The following NIPBL variants were observed in gnomAD, a reference collection of about 807,000 sequenced individuals.
NIPBL encodes nipped-B-like protein.
A neutral mutation model predicts 321.8 loss-of-function variants in NIPBL; 19 were observed. That is an observed-to-expected ratio of 0.06 (90% CI 0.04 to 0.09). NIPBL has a LOEUF of 0.09. Among genes scored for constraint, NIPBL ranks in the 10% least tolerant of loss-of-function variants. The pLI is 1.00. For synonymous variants in NIPBL, 1,106 were observed against 1,114.1 expected, an observed-to-expected ratio of 0.99 and a Z score of 0.14; for missense variants, 2,210 against 3,327.0, an observed-to-expected ratio of 0.66 and a Z score of 8.26.
chr5:36,917,418 T>G (rs1452187294), intron 1 of NIPBL, among the ~76,000 whole-genome samples: 2 of 152,124 alleles, frequency 1.3e-5, no homozygotes, highest in Non-Finnish European at 2.9e-5. Flanking sequence ...ATTGCAAAAA[T>G]TTTCTCCCAT....
At chr5:37,010,050 C>G (rs1483432302) in intron 20 of NIPBL, 37 bp from the exon 21 acceptor site, 3 of 1,498,468 alleles carry the variant, frequency 2.0e-6, no homozygotes, top group Middle Eastern at 1.9e-4. Context: ...ATGAGATTAT[C>G]TTGATACTCC....
intron 38 of NIPBL, among the ~76,000 whole-genome samples, chr5:37,047,668 T>G (rs1002583590): frequency 4.6e-5 from 7 of 152,180 alleles, no homozygotes; most frequent in Non-Finnish European, 2.9e-5. Flanking sequence ...ATTCAGAAAA[T>G]ATTGCCTCTA....
At chr5:36,974,247 CAAAT>C (rs1333479132) in intron 8 of NIPBL, among the ~76,000 whole-genome samples, 1 of 152,078 alleles carries the variant, frequency 6.6e-6, no homozygotes, top group Admixed American at 6.5e-5. Context: ...AACTTTAAAA[CAAAT>C]AACCTCACTA....
chr5:36,888,691 A>G (rs1746098060), intron 1 of NIPBL, among the ~76,000 whole-genome samples: 1 of 152,092 alleles, frequency 6.6e-6, no homozygotes, highest in Non-Finnish European at 1.5e-5. Context: ...TTGGAAATTA[A>G]TGTTCATGGT....
rs904750595 is a variant in NIPBL at position 36,981,745 on chromosome 5, A to G, written c.1496-2931A>G. On this transcript the variant is annotated intron_variant, in intron 9 of 46. Coordinates refer to ENST00000282516, the MANE Select transcript of NIPBL (RefSeq NM_133433.4). ...CATCTTTTCCCAAGGTCCACTTTCCATGTTAGCAAGTATAAGGAATGGCTC... is the reference window on the plus strand; with the variant it reads ...CATCTTTTCCCAAGGTCCACTTTCCGTGTTAGCAAGTATAAGGAATGGCTC... 5.3e-5 allele frequency among the ~76,000 whole-genome samples: 8 copies of G among 151,632 alleles called. 1 individual carries two copies. Among genetic ancestry groups the G allele is most frequent in the South Asian group, 2.1e-4 (1 of 4,828 alleles).
chr5:37,034,714 G>C (rs1421963406), intron 32 of NIPBL, among the ~76,000 whole-genome samples: 1 of 152,146 alleles, frequency 6.6e-6, no homozygotes, highest in Non-Finnish European at 1.5e-5. Context: ...CAAGGAGATG[G>C]TAAATTTCTG....
chr5:37,052,615 T>G, intron 42 of NIPBL, 49 bp downstream of exon 42: 1 of 1,440,468 alleles, frequency 6.9e-7, no homozygotes, highest in South Asian at 1.2e-5. Context: ...TCTAGAAATT[T>G]TATGGATAAA....
intron 38 of NIPBL, 108 bp downstream of exon 38, chr5:37,046,307 A>G: frequency 1.4e-6 from 1 of 720,492 alleles, no homozygotes; most frequent in Non-Finnish European, 2.5e-6. Context: ...TTCTATTAGC[A>G]GTAGGATTTG....
chr5:36,976,238 C>G lies in NIPBL; in HGVS notation c.1331C>G (p.Ala444Gly), dbSNP rs1475720803. 1 of 1,613,782 alleles carries G rather than the reference C, an allele frequency of 6.2e-7. No homozygotes were observed. Among genetic ancestry groups the G allele is most frequent in the Admixed American group, 1.7e-5 (1 of 59,972 alleles). The part of the protein sequence containing the change: ...VPVLQQNTSV[A>G]AKQPQTSVVQ... ...GTTTTACAACAGAACACTTCAGTTG[C>G]TGCAAAACAACCCCAGACTTCTGTG... Residue 444 changes from alanine (A) to glycine (G), a missense_variant, in exon 9 of 47, where the codon GCT becomes GGT. Around this residue, in one of 14 missense-constraint regions of NIPBL, gnomAD observed 464 missense variants for 529.5 expected, o/e 0.88. Coordinates refer to ENST00000282516, the MANE Select transcript of NIPBL (RefSeq NM_133433.4).
Position 36,976,265 on chromosome 5 carries a change from T to C in NIPBL, c.1358T>C (p.Val453Ala). ...GCAAAACAACCCCAGACTTCTGTGG[T>C]ACAGAATCAACAACAGATATCACAA... ...VAAKQPQTSV[V>A]QNQQQISQQG... The change falls in exon 9 of 47, where the codon GTA becomes GCA. Residue 453 changes from valine to alanine, a missense_variant. This residue lies in a region of NIPBL where 464 missense variants were observed against 529.5 expected (regional missense o/e 0.88). Coordinates refer to ENST00000282516, the MANE Select transcript of NIPBL (RefSeq NM_133433.4). 1 of 1,613,846 alleles carries C rather than the reference T, an allele frequency of 6.2e-7. No homozygotes were observed. Among genetic ancestry groups the C allele is most frequent in the Non-Finnish European group, 8.5e-7 (1 of 1,179,860 alleles).
Position 36,985,608 on chromosome 5 carries a change from G to C in NIPBL, c.2428G>C (p.Val810Leu). 1 of 1,613,938 alleles carries C rather than the reference G, an allele frequency of 6.2e-7. No homozygotes were observed. The highest frequency in any genetic ancestry group is 1.1e-5 in the South Asian group (1 of 91,078). ...AAAGCAGAGACCTGATGGGCGATCT[G>C]TTTCTGAGTCACTAAGACGTGACCA... ...ALKQRPDGRS[V>L]SESLRRDHDN... The change falls in exon 10 of 47, where the codon GTT becomes CTT. Residue 810 changes from valine to leucine, a missense_variant. Val to Leu is a conservative substitution (Grantham distance 32). Coordinates refer to ENST00000282516, the MANE Select transcript of NIPBL (RefSeq NM_133433.4).
intron 1 of NIPBL, among the ~76,000 whole-genome samples, chr5:36,897,716 G>C (rs988269382): frequency 2.0e-5 from 3 of 152,116 alleles, no homozygotes; most frequent in African/African-American, 7.2e-5. Context: ...AGTAAGCTTT[G>C]CCAATAGTGA....
intron 1 of NIPBL, among the ~76,000 whole-genome samples, chr5:36,918,886 CGGT>C (rs1311924074): frequency 2.0e-5 from 3 of 152,018 alleles, no homozygotes; most frequent in African/African-American, 4.8e-5. Flanking sequence ...CACTTGATCA[CGGT>C]GGATAAGCTT....
At chr5:36,965,999 A>G (rs1276949290) in intron 6 of NIPBL, among the ~76,000 whole-genome samples, 3 of 152,060 alleles carry the variant, frequency 2.0e-5, no homozygotes, top group East Asian at 3.8e-4. Flanking sequence ...CCCTTCACCA[A>G]CAGGTATCCT....
At chr5:36,936,847 A>G (rs1738488104) in intron 1 of NIPBL, among the ~76,000 whole-genome samples, 2 of 152,030 alleles carry the variant, frequency 1.3e-5, no homozygotes, top group African/African-American at 4.8e-5. Context: ...TTAAATGGAA[A>G]AAAAAAAAAG....
At chr5:37,047,889 G>A (rs1252497126) in intron 38 of NIPBL, among the ~76,000 whole-genome samples, 3 of 152,132 alleles carry the variant, frequency 2.0e-5, no homozygotes, top group Non-Finnish European at 4.4e-5. Flanking sequence ...GTGGTTATAG[G>A]ATTCAGCATT....
intron 11 of NIPBL, among the ~76,000 whole-genome samples, chr5:36,998,155 C>T (rs1746364373): frequency 6.6e-6 from 1 of 152,090 alleles, no homozygotes; most frequent in Non-Finnish European, 1.5e-5. Context: ...TTACGTACCT[C>T]TCTTTTGAGT....
intron 32 of NIPBL, among the ~76,000 whole-genome samples, chr5:37,028,533 G>T (rs906949396): frequency 6.6e-6 from 1 of 151,750 alleles, no homozygotes; most frequent in African/African-American, 2.4e-5. Flanking sequence ...TAGAGATGAA[G>T]TTTCGCCATG....
chr5:36,938,572 C>G (rs1262949792), intron 1 of NIPBL, among the ~76,000 whole-genome samples: 2 of 152,104 alleles, frequency 1.3e-5, no homozygotes, highest in Non-Finnish European at 2.9e-5. Context: ...GAAAATTGTT[C>G]TGCAAAGTTT....
Sources: allele counts gnomAD v4.1 joint callset (sites outside exome capture counted in the v4.1 genomes callset), GRCh38; gene constraint gnomAD v4.1.1; regional missense constraint gnomAD v4.1.1; transcripts MANE v1.5; gene names NCBI Gene and HGNC (gene_info 2026-07-23, HGNC 2026-07-21).